GAS2L2: variants seen among roughly 807,000 people sequenced by gnomAD.
The protein encoded by GAS2L2 is growth arrest specific 2 like 2.
GAS2L2 carries 21 observed loss-of-function variants against 35.2 expected under a neutral mutation model. That is an observed-to-expected ratio of 0.60 (90% CI 0.42 to 0.86). GAS2L2 has a LOEUF of 0.86. Among genes scored for constraint, GAS2L2 ranks in the 40% least tolerant of loss-of-function variants. The probability of loss-of-function intolerance (pLI) is 0.00; values close to 1 mark genes in which losing one functional copy is unlikely to be tolerated. For missense variants in GAS2L2, 1,169 were observed against 1,144.4 expected (o/e 1.02, Z -0.31); for synonymous variants, 490 against 473.2 (o/e 1.04, Z -0.46).
chr17:35,745,149 C>G lies in GAS2L2; in HGVS notation c.2348G>C (p.Arg783Pro). ...KLKLRPRIRP[R>P]RDHRPEKQPS... ...CTGCTTCTCAGGCCTGTGGTCTCTC[C>G]GGGGCCGAATCCTGGGTCTCAGCTT... Residue 783 changes from arginine to proline, a missense_variant, in exon 6 of 6, where the codon CGG becomes CCG. By Grantham distance (103) the Arg-to-Pro change is moderately radical. Coordinates refer to ENST00000604641, the MANE Select transcript of GAS2L2 (RefSeq NM_139285.4). The G allele has an allele frequency of 6.2e-7, 1 of 1,613,012 alleles. No individual in the cohort carries two copies. The highest frequency in any genetic ancestry group is 8.5e-7 in the Non-Finnish European group (1 of 1,179,234).
chr17:35,750,445 G>T, intron 1 of GAS2L2, 127 bp from the exon 2 acceptor site: 3 of 1,297,750 alleles, frequency 2.3e-6, no homozygotes, highest in Non-Finnish European at 3.2e-6. Flanking sequence ...GCAGACATGG[G>T]GAGTGGTTTG....
Position 35,745,626 on chromosome 17 carries a change from C to T in GAS2L2, c.1871G>A (p.Gly624Asp), listed in dbSNP as rs2085660875. The change falls in exon 6 of 6, where the codon GGC (glycine) becomes GAC (aspartate). Residue 624 changes from glycine (G) to aspartate (D), a missense_variant. Gly to Asp is a moderately conservative substitution (Grantham distance 94). Coordinates refer to ENST00000604641, the MANE Select transcript of GAS2L2 (RefSeq NM_139285.4). Reference protein sequence around the residue: ...LLEVRSACPQGTRSGVIPRSG... With the variant: ...LLEVRSACPQDTRSGVIPRSG... The stretch of plus-strand genomic sequence containing the variant: ...GCGAGGGATGACCCCAGACCTTGTG[C>T]CCTGCGGACAGGCACTCCTGACTTC... The T allele has an allele frequency of 6.2e-7, 1 of 1,613,942 alleles. No individual in the cohort carries two copies. The highest frequency in any genetic ancestry group is 1.3e-5 in the African/African-American group (1 of 75,058).
rs587699486 is a variant in GAS2L2, at chr17:35,749,119, G to C, written c.726C>G (p.Ile242Met). The change falls in exon 3 of 6, where the codon ATC becomes ATG. Residue 242 changes from isoleucine (I) to methionine (M), a missense_variant. Transcript: ENST00000604641. ...KYRVGDSNTL[I>M]FIRILRNHVM... ...CCCAGCCTGGACTTACCCGGATGAAGATGAGGGTGTTGGAGTCACCCACAC... is the reference window on the plus strand; with the variant it reads ...CCCAGCCTGGACTTACCCGGATGAACATGAGGGTGTTGGAGTCACCCACAC... 3 of 1,610,792 alleles carry C rather than the reference G, an allele frequency of 1.9e-6. No homozygotes were observed. In the African/African-American group the frequency reaches 4.0e-5, roughly 21 times the overall value.
At chr17:35,752,424 A>C (rs782183936) in intron 1 of GAS2L2, 42 bp downstream of exon 1, 8 of 1,527,516 alleles carry the variant, frequency 5.2e-6, no homozygotes, top group Non-Finnish European at 7.1e-6. Context: ...ATACCCCCCA[A>C]GATAAGCATC....
chr17:35,747,076 C>A lies in GAS2L2; in HGVS notation c.1025G>T (p.Arg342Ile). 6.2e-7 allele frequency: 1 copy of A among 1,610,820 alleles called. No individual in the cohort carries two copies. The highest frequency in any genetic ancestry group is 1.1e-5 in the South Asian group (1 of 90,736). The change falls in exon 5 of 6, where the codon AGA (arginine) becomes ATA (isoleucine). Residue 342 changes from arginine (R) to isoleucine (I), a missense_variant. Around this residue, in one of 3 missense-constraint regions of GAS2L2, gnomAD observed 1,035 missense variants for 976.5 expected, o/e 1.06. Coordinates refer to ENST00000604641, the MANE Select transcript of GAS2L2 (RefSeq NM_139285.4). The stretch of plus-strand genomic sequence containing the variant: ...CCCTGCTCCCCGTTCCCTGCGGGGT[C>A]TGGGGGAGGATGGGGTGGGGGGCCT... ...RLRPPTPSSP[R>I]PRRERGAGTG... is the part of the protein sequence containing the mutation.
In GAS2L2 at chr17:35,744,865, A is replaced by G; in HGVS notation, c.2632T>C (p.Ser878Pro). 4 of 1,585,688 alleles carry G rather than the reference A, an allele frequency of 2.5e-6. No homozygotes were observed. The highest frequency in any genetic ancestry group is 3.4e-6 in the Non-Finnish European group (4 of 1,165,326). Residue 878 changes from serine to proline, a missense_variant, in exon 6 of 6, where the codon TCC becomes CCC. This residue lies in a region of GAS2L2 where 1,035 missense variants were observed against 976.5 expected (regional missense o/e 1.06). Coordinates refer to ENST00000604641, the MANE Select transcript of GAS2L2 (RefSeq NM_139285.4). ...CACGCTCATGTGCCTCAGACCCAGG[A>G]CTCCTCCTCAGGTGGAAGTGGAGCT... Reference protein sequence around the residue: ...NQAPLPPEEESWV With the variant: ...NQAPLPPEEEPWV
chr17:35,745,506 G>T lies in GAS2L2; in HGVS notation c.1991C>A (p.Ser664Tyr), dbSNP rs1371107890. The change falls in exon 6 of 6, where the codon TCC (serine) becomes TAC (tyrosine). Residue 664 changes from serine to tyrosine, a missense_variant. Ser to Tyr is a moderately radical substitution (Grantham distance 144). Around this residue, in one of 3 missense-constraint regions of GAS2L2, gnomAD observed 1,035 missense variants for 976.5 expected, o/e 1.06. Transcript: ENST00000604641. ...AIQELAQGSP[S>Y]LLKVDLEAWK... ...GGCTTCCAGGTCCACTTTAAGGAGGGATGGGGACCCCTGAGCCAGTTCTTG... is the reference window on the plus strand; with the variant it reads ...GGCTTCCAGGTCCACTTTAAGGAGGTATGGGGACCCCTGAGCCAGTTCTTG... 6.8e-6 allele frequency: 11 copies of T among 1,608,952 alleles called. No homozygotes were observed. The highest frequency in any genetic ancestry group is 9.3e-6 in the Non-Finnish European group (11 of 1,176,640).
chr17:35,745,256 G>A lies in GAS2L2; in HGVS notation c.2241C>T (p.Asn747=), dbSNP rs2085657286. The change falls in exon 6 of 6, where the codon AAC becomes AAT. Residue 747 remains asparagine (N), a synonymous_variant. Transcript: ENST00000604641. ...EAPTPSPLDP[N]SDKAKACLSK... ...TCAGACATGCCTTGGCTTTGTCAGA[G>A]TTGGGGTCCAAGGGCGAAGGTGTGG... 1 of 1,608,814 alleles carries A rather than the reference G, an allele frequency of 6.2e-7. No individual in the cohort carries two copies. Among genetic ancestry groups the A allele is most frequent in the East Asian group, 2.2e-5 (1 of 44,754 alleles).
Position 35,745,391 on chromosome 17 carries a change from C to A in GAS2L2, c.2106G>T (p.Gly702=), listed in dbSNP as rs782053184. The stretch of plus-strand genomic sequence containing the variant: ...CACTCAGGCTTGCCTTTGTCCTGGG[C>A]CCACTCTGTCTGGCTCCCAACTTCC... ...LKGKLGARQS[G]PRTKASLSAK... Residue 702 remains glycine (G), a synonymous_variant, in exon 6 of 6, where the codon GGG becomes GGT. Transcript: ENST00000604641. 1.3e-6 allele frequency: 2 copies of A among 1,581,206 alleles called. No homozygotes were observed. The highest frequency in any genetic ancestry group is 2.3e-5 in the South Asian group (2 of 85,882).
intron 1 of GAS2L2, among the ~76,000 whole-genome samples, chr17:35,750,839 G>A (rs782782260): frequency 1.3e-5 from 2 of 152,160 alleles, no homozygotes; most frequent in Non-Finnish European, 2.9e-5. Flanking sequence ...ATTACCAGCC[G>A]CATGACCTTG....
Position 35,745,980 on chromosome 17 carries a change from C to T in GAS2L2, c.1517G>A (p.Arg506Gln), listed in dbSNP as rs782449546. ...TGTTGGGGGGCGAGCAGGGGGCAGC[C>T]GGATGGGGATCTTGGTTAGGCCTTG... ...PVQGLTKIPI[R>Q]LPPARPPTPG... The change falls in exon 6 of 6, where the codon CGG becomes CAG. Residue 506 changes from arginine to glutamine, a missense_variant. Arg to Gln is a conservative substitution (Grantham distance 43, BLOSUM62 1). This residue lies in a region of GAS2L2 where 1,035 missense variants were observed against 976.5 expected (regional missense o/e 1.06). Coordinates refer to ENST00000604641, the MANE Select transcript of GAS2L2 (RefSeq NM_139285.4). 37 of 1,597,446 alleles carry T rather than the reference C, an allele frequency of 2.3e-5. No homozygotes were observed. The highest frequency in any genetic ancestry group is 1.7e-4 in the Middle Eastern group (1 of 6,006).
chr17:35,752,335 A>T (rs1391126406), intron 1 of GAS2L2, 131 bp downstream of exon 1: 1 of 800,612 alleles, frequency 1.2e-6, no homozygotes, highest in Non-Finnish European at 2.0e-6. Flanking sequence ...ATGAAAAAAG[A>T]GCTGGTTCAA....
At chr17:35,746,771 A>G (rs1318788161) in intron 5 of GAS2L2, among the ~76,000 whole-genome samples, 1 of 152,190 alleles carries the variant, frequency 6.6e-6, no homozygotes, top group Non-Finnish European at 1.5e-5. Flanking sequence ...CTACCATGAA[A>G]TGGTAGGAAA....
chr17:35,750,011 G>T, intron 2 of GAS2L2, 66 bp downstream of exon 2: 1 of 1,529,386 alleles, frequency 6.5e-7, no homozygotes, highest in South Asian at 1.2e-5. Context: ...GCTGGAGTGG[G>T]ACTGGGGAGA....
rs142548393 is a variant in GAS2L2 at position 35,747,222 on chromosome 17, C to A, written c.879G>T (p.Gln293His). The A allele has an allele frequency of 4.2e-4, 684 of 1,613,794 alleles. 5 individuals carry two copies. The African/African-American group carries it at 7.4e-3, about 17-fold the overall frequency. ...GTCCATCCTGTACCCTTACTTCATG[C>A]TGCACTGGTGGGGCCGGGGGCTTCA... ...SFLKPPAPPV[Q>H]HEVRVQDGPS... Residue 293 changes from glutamine to histidine, a missense_variant, in exon 5 of 6, where the codon CAG becomes CAT. Coordinates refer to ENST00000604641, the MANE Select transcript of GAS2L2 (RefSeq NM_139285.4).
rs782739855 is a variant in GAS2L2, at chr17:35,747,117, A to G, written c.984T>C (p.Ser328=). ...TGGGGGGCCTCAGCCTTCGGTCTGA[A>G]GAGGTATATGTCTTCCAGTCCACAG... ...PPPVDWKTYT[S]SDRRLRPPTP... is the part of the protein sequence containing the mutation. The change falls in exon 5 of 6, where the codon TCT becomes TCC. Residue 328 remains serine, a synonymous_variant. Coordinates refer to ENST00000604641, the MANE Select transcript of GAS2L2 (RefSeq NM_139285.4). The G allele has an allele frequency of 3.7e-6, 6 of 1,613,460 alleles. No individual in the cohort carries two copies. The highest frequency in any genetic ancestry group is 2.2e-5 in the East Asian group (1 of 44,870).
Position 35,747,080 on chromosome 17 carries a change from G to T in GAS2L2, c.1021C>A (p.Pro341Thr). The change falls in exon 5 of 6, where the codon CCC becomes ACC. Residue 341 changes from proline to threonine, a missense_variant. By Grantham distance (38) the Pro-to-Thr change is conservative. Transcript: ENST00000604641. The stretch of plus-strand genomic sequence containing the variant: ...GCTCCCCGTTCCCTGCGGGGTCTGG[G>T]GGAGGATGGGGTGGGGGGCCTCAGC... ...RRLRPPTPSS[P>T]RPRRERGAGT... The T allele has an allele frequency of 6.2e-7, 1 of 1,611,814 alleles. No individual in the cohort carries two copies. Among genetic ancestry groups the T allele is most frequent in the Non-Finnish European group, 8.5e-7 (1 of 1,178,870 alleles).
intron 5 of GAS2L2, among the ~76,000 whole-genome samples, chr17:35,746,684 C>G (rs782444067): frequency 6.6e-6 from 1 of 152,118 alleles, no homozygotes; most frequent in East Asian, 1.9e-4. Context: ...TCAGATCCTT[C>G]GAGGGATGGC....
rs2085655187 is a variant in GAS2L2 at position 35,745,036 on chromosome 17, C to T, written c.2461G>A (p.Gly821Ser). ...CGGGATGCCTCCCCTCCCTTGCTGC[C>T]CAGCACAGCTCTCAACAGCCTGTCC... ...PKDRLLRAVL[G>S]SKGGEASRVD... Residue 821 changes from glycine (G) to serine (S), a missense_variant, in exon 6 of 6, where the codon GGC becomes AGC. Around this residue, in one of 3 missense-constraint regions of GAS2L2, gnomAD observed 1,035 missense variants for 976.5 expected, o/e 1.06. Coordinates refer to ENST00000604641, the MANE Select transcript of GAS2L2 (RefSeq NM_139285.4). 5 of 1,614,008 alleles carry T rather than the reference C, an allele frequency of 3.1e-6. No individual in the cohort carries two copies. Among genetic ancestry groups the T allele is most frequent in the East Asian group, 2.2e-5 (1 of 44,886 alleles).
Sources: gnomAD v4.1 joint callset for allele counts (sites outside exome capture counted in the v4.1 genomes callset) on GRCh38, gnomAD v4.1.1 for gene constraint, gnomAD v4.1.1 regional missense constraint, MANE v1.5 for transcripts, NCBI Gene and HGNC (gene_info 2026-07-23, HGNC 2026-07-21) for gene names.